Variants in TRA2A observed in about 807,000 individuals in gnomAD.
TRA2A encodes transformer-2 protein homolog alpha.
A neutral mutation model predicts 45.7 loss-of-function variants in TRA2A; 31 were observed. The ratio of observed to expected loss-of-function variants is 0.68; its 90% confidence interval spans 0.51 to 0.92. The LOEUF (loss-of-function observed/expected upper bound fraction) is 0.92, where lower values mean the gene tolerates loss of function less well. Ranked by LOEUF, TRA2A falls within the 40% of genes least tolerant of loss-of-function variation. The pLI is 0.00. For missense variants in TRA2A, 304 were observed against 367.5 expected (o/e 0.83, Z 1.41); for synonymous variants, 132 against 126.2 (o/e 1.05, Z -0.31).
intron 1 of TRA2A, among the ~76,000 whole-genome samples, chr7:23,528,461 C>A (rs558777782): frequency 6.6e-6 from 1 of 152,212 alleles, no homozygotes; most frequent in Admixed American, 6.5e-5. Flanking sequence ...CCGCCTCAGC[C>A]TCCCAAAGCG....
At chr7:23,529,738 C>A (rs1330888249) in intron 1 of TRA2A, among the ~76,000 whole-genome samples, 1 of 152,066 alleles carries the variant, frequency 6.6e-6, no homozygotes, top group East Asian at 1.9e-4. Flanking sequence ...CACTTGGGTA[C>A]CACTTGTGAA....
chr7:23,512,854 A>G, intron 4 of TRA2A, 40 bp downstream of exon 4: 1 of 1,407,946 alleles, frequency 7.1e-7, no homozygotes, highest in Non-Finnish European at 9.6e-7. Context: ...TTTTCACACT[A>G]ATTCAGTACT....
At chr7:23,525,617 C>T (rs1352169000) in intron 1 of TRA2A, among the ~76,000 whole-genome samples, 1 of 152,170 alleles carries the variant, frequency 6.6e-6, no homozygotes, top group African/African-American at 2.4e-5. Context: ...TGTTTATTTG[C>T]TTGTTTGGTT....
intron 5 of TRA2A, 30 bp downstream of exon 5, chr7:23,507,390 T>C (rs372526536): frequency 1.4e-5 from 21 of 1,554,064 alleles, no homozygotes; most frequent in Middle Eastern, 1.7e-4. Flanking sequence ...GTGGATTTCA[T>C]AGTTTAGCTT....
At chr7:23,511,407 A>C (rs1372050424) in intron 4 of TRA2A, among the ~76,000 whole-genome samples, 1 of 32,624 alleles carries the variant, frequency 3.1e-5, no homozygotes, top group South Asian at 8.8e-4. Context: ...AAAAAAAAAA[A>C]AAAGAAAAGA....
At position 23,513,012 on chromosome 7, in the gene TRA2A, CGAA is replaced by C; in HGVS notation, c.404_406del (p.Leu135del). 1 of 1,614,012 alleles carries C rather than the reference CGAA, an allele frequency of 6.2e-7. No homozygotes were observed. Among genetic ancestry groups the C allele is most frequent in the Non-Finnish European group, 8.5e-7 (1 of 1,179,966 alleles). Reference sequence around the variant, plus strand: ...TGGTCCATATCGAGAAAATACTTCACGAAGATCCCTCTCTGTTGTGTACAAACT... The same window carrying C: ...TGGTCCATATCGAGAAAATACTTCACGATCCCTCTCTGTTGTGTACAAACT... On this transcript the variant is annotated inframe_deletion, in exon 4 of 8. Coordinates refer to ENST00000297071, the MANE Select transcript of TRA2A (RefSeq NM_013293.5).
chr7:23,508,628 G>A (rs1360303166), intron 4 of TRA2A, among the ~76,000 whole-genome samples: 8 of 152,092 alleles, frequency 5.3e-5, no homozygotes, highest in Non-Finnish European at 5.9e-5. Context: ...CCAAGTAGCT[G>A]GGACTACAGG....
chr7:23,508,948 T>C (rs1789467423), intron 4 of TRA2A, among the ~76,000 whole-genome samples: 1 of 152,152 alleles, frequency 6.6e-6, no homozygotes, highest in Non-Finnish European at 1.5e-5. Context: ...TTTGGTCTCT[T>C]TGAAAAGAAC....
At chr7:23,531,382 G>A (rs1313806468) in intron 1 of TRA2A, 1 of 397,568 alleles carries the variant, frequency 2.5e-6, no homozygotes, top group Non-Finnish European at 3.6e-6. Context: ...ACGATGCTCG[G>A]GGTCGCCAGA....
At chr7:23,528,140 T>C (rs1790413384) in intron 1 of TRA2A, among the ~76,000 whole-genome samples, 2 of 152,230 alleles carry the variant, frequency 1.3e-5, no homozygotes, top group African/African-American at 4.8e-5. Flanking sequence ...CAAAATGCTA[T>C]GACATCTCTC....
intron 4 of TRA2A, among the ~76,000 whole-genome samples, chr7:23,511,481 T>C: frequency 6.8e-6 from 1 of 146,064 alleles, no homozygotes; most frequent in East Asian, 2.0e-4. Flanking sequence ...TACAAATATA[T>C]ATATATTAAT....
At chr7:23,514,209 A>G (rs1328589831) in intron 3 of TRA2A, among the ~76,000 whole-genome samples, 3 of 151,924 alleles carry the variant, frequency 2.0e-5, no homozygotes, top group African/African-American at 7.3e-5. Context: ...ACGGGATTAC[A>G]GGCATGCACC....
At chr7:23,528,436 G>A (rs1020191990) in intron 1 of TRA2A, among the ~76,000 whole-genome samples, 33 of 152,066 alleles carry the variant, frequency 2.2e-4, no homozygotes, top group African/African-American at 7.7e-4. Flanking sequence ...TCCATCTCTT[G>A]ACCTTGTGAT....
chr7:23,521,834 G>C lies in TRA2A; in HGVS notation c.43C>G (p.Arg15Gly), dbSNP rs563470263. The C allele has an allele frequency of 1.9e-6, 3 of 1,613,882 alleles. No homozygotes were observed. Among genetic ancestry groups the C allele is most frequent in the African/African-American group, 2.7e-5 (2 of 74,886 alleles). Reference protein sequence around the residue: ...EENNFEGRESRSQSKSPTGTP... With the variant: ...EENNFEGRESGSQSKSPTGTP... ...CCCGTTGGAGATTTTGACTGAGAGC[G>C]AGACTCCTAACAAAGAAGACAGTAT... Residue 15 changes from arginine to glycine, a missense_variant, in exon 2 of 8, where the codon CGC (arginine) becomes GGC (glycine). Around this residue, in one of 3 missense-constraint regions of TRA2A, gnomAD observed 132 missense variants for 113.4 expected, o/e 1.16. Transcript: ENST00000297071.
At chr7:23,517,468 A>G (rs1352899203) in intron 2 of TRA2A, among the ~76,000 whole-genome samples, 4 of 131,666 alleles carry the variant, frequency 3.0e-5, no homozygotes, top group Non-Finnish European at 6.4e-5. Flanking sequence ...ACAGAGCAAG[A>G]CTACGTCTCA....
In TRA2A at chr7:23,521,411, A is replaced by AT. The variant is rs550308622; in HGVS notation, c.170+295dup. On this transcript the variant is annotated intron_variant, in intron 2 of 7. Transcript: ENST00000297071. ...TTTGTACTGGTTGCAACTATCCAAT[A>AT]TATTAATTGGGCTGGGAGATGATTT... 1.1e-4 allele frequency among the ~76,000 whole-genome samples: 17 copies of AT among 152,332 alleles called. No individual in the cohort carries two copies. In the South Asian group the frequency reaches 3.5e-3, roughly 32 times the overall value.
intron 1 of TRA2A, among the ~76,000 whole-genome samples, chr7:23,527,309 G>A (rs1790378839): frequency 6.6e-6 from 1 of 152,056 alleles, no homozygotes; most frequent in African/African-American, 2.4e-5. Flanking sequence ...TAAAAGGAGG[G>A]AAGGGAAACC....
intron 5 of TRA2A, among the ~76,000 whole-genome samples, chr7:23,506,867 C>A (rs1298912076): frequency 6.6e-6 from 1 of 152,190 alleles, no homozygotes; most frequent in Non-Finnish European, 1.5e-5. Flanking sequence ...GCCCTGCCTC[C>A]GGGGTTCATG....
chr7:23,516,112 C>G lies in TRA2A; in HGVS notation c.336+251G>C, dbSNP rs531097993. On this transcript the variant is annotated intron_variant, in intron 3 of 7. Transcript: ENST00000297071. ...TCGAAATTGCACCCCTGCACTCCAGCCTGGGAGACAGAGTAAGACTTTGTC... is the reference window on the plus strand; with the variant it reads ...TCGAAATTGCACCCCTGCACTCCAGGCTGGGAGACAGAGTAAGACTTTGTC... 3.3e-5 allele frequency among the ~76,000 whole-genome samples: 5 copies of G among 152,162 alleles called. No individual in the cohort carries two copies. The East Asian group carries it at 9.8e-4, about 30-fold the overall frequency.
Sources: allele counts gnomAD v4.1 joint callset (sites outside exome capture counted in the v4.1 genomes callset), GRCh38; gene constraint gnomAD v4.1.1; regional missense constraint gnomAD v4.1.1; transcripts MANE v1.5; gene names NCBI Gene and HGNC (gene_info 2026-07-23, HGNC 2026-07-21).